Variants in MFGE8 observed in about 807,000 individuals in gnomAD.
MFGE8 encodes lactadherin.
In MFGE8, 34 loss-of-function variants were observed where a neutral mutation model predicts 42.6. That is an observed-to-expected ratio of 0.80 (90% CI 0.61 to 1.06). MFGE8 has a LOEUF of 1.06. Among genes scored for constraint, MFGE8 ranks in the 50% least tolerant of loss-of-function variants. MFGE8 has a pLI of 0.00. For synonymous variants in MFGE8, 230 were observed against 214.8 expected (o/e 1.07, Z -0.62); for missense variants, 510 against 516.9 (o/e 0.99, Z 0.13).
chr15:88,911,977 G>A, intron 1 of MFGE8: 1 of 505,722 alleles, frequency 2.0e-6, no homozygotes, highest in East Asian at 7.0e-5. Context: ...GGCAGGCGGG[G>A]GCGAGCATTG....
chr15:88,912,985 T>C, intron 1 of MFGE8: 1 of 985,444 alleles, frequency 1.0e-6, no homozygotes, highest in Non-Finnish European at 1.2e-6. Context: ...TTTGTCATTA[T>C]CTGTAAGCCG....
intron 2 of MFGE8, among the ~76,000 whole-genome samples, chr15:88,909,565 G>T (rs1326004205): frequency 2.0e-5 from 3 of 152,146 alleles, no homozygotes; most frequent in African/African-American, 7.2e-5. Context: ...GCAGTCTCAG[G>T]AAAGAGGGCC....
At position 88,902,508 on chromosome 15, in the gene MFGE8, T is replaced by A. The variant is rs1898480637; in HGVS notation, c.686-773A>T. ...ACAACTCCTGGGGCACAGGAACATCTCTATTTCCATTCCCCAGAAGCCCCC... is the reference window on the plus strand; with the variant it reads ...ACAACTCCTGGGGCACAGGAACATCACTATTTCCATTCCCCAGAAGCCCCC... On this transcript the variant is annotated intron_variant, in intron 5 of 7. Transcript: ENST00000268150. This position sits in a 1 kb window ranked among gnomAD's most constrained non-coding sequence, Gnocchi z 4.3. 6.6e-6 allele frequency: 1 copy of A among 152,126 alleles called. No homozygotes were observed. Among genetic ancestry groups the A allele is most frequent in the Non-Finnish European group, 1.5e-5 (1 of 68,054 alleles). 9.4% of individuals were successfully genotyped at this position (152,126 alleles called of 1,614,324 possible).
chr15:88,901,037 TCA>T (rs1337899406), intron 6 of MFGE8, among the ~76,000 whole-genome samples: 1 of 116,972 alleles, frequency 8.5e-6, no homozygotes, highest in South Asian at 2.8e-4. Flanking sequence ...ACACACATAT[TCA>T]CACACATTCA....
At chr15:88,901,305 TCACACACACACATTCA>T (rs1261651524) in intron 6 of MFGE8, among the ~76,000 whole-genome samples, 3 of 69,642 alleles carry the variant, frequency 4.3e-5, no homozygotes, top group Admixed American at 3.3e-4. Flanking sequence ...ATTCACACAC[TCACACACACACATTCA>T]CACACACACA....
rs770672965 is a variant in MFGE8, at chr15:88,907,324, G to A, written c.258C>T (p.Ile86=). 17 of 1,614,176 alleles carry A rather than the reference G, an allele frequency of 1.1e-5. No individual in the cohort carries two copies. The highest frequency in any genetic ancestry group is 2.7e-5 in the African/African-American group (2 of 75,044). The change falls in exon 3 of 8, where the codon ATC becomes ATT. Residue 86 remains isoleucine (I), a synonymous_variant. Transcript: ENST00000268150. Reference sequence around the variant, plus strand: ...AGGTCACACGCACAGACGAGGCGGCGATCTGTGAGTTGGCAATGTTCCCAT... The same window carrying A: ...AGGTCACACGCACAGACGAGGCGGCAATCTGTGAGTTGGCAATGTTCCCAT... ...LENGNIANSQ[I]AASSVRVTFL...
chr15:88,901,745 A>G lies in MFGE8; in HGVS notation c.686-10T>C. On this transcript the variant is annotated splice_polypyrimidine_tract_variant and intron_variant, in intron 5 of 7. Coordinates refer to ENST00000268150, the MANE Select transcript of MFGE8 (RefSeq NM_005928.4). ...AGGGGATTGGCGCATCCTGCCAGCA[A>G]GGTGGGCTGTCATCTGGATCTGGGA... 6.2e-7 allele frequency: 1 copy of G among 1,613,926 alleles called. No homozygotes were observed. The highest frequency in any genetic ancestry group is 8.5e-7 in the Non-Finnish European group (1 of 1,179,964).
At chr15:88,907,706 T>C (rs1411198704) in intron 2 of MFGE8, among the ~76,000 whole-genome samples, 83 of 147,740 alleles carry the variant, frequency 5.6e-4, no homozygotes, top group Admixed American at 6.0e-4. Flanking sequence ...GAAAGTAGAG[T>C]CCCCCCCGCC....
chr15:88,902,082 T>G lies in MFGE8; in HGVS notation c.686-347A>C. ...GACACCTCCTCCAAGAAGTCTGCCC[T>G]GACTACTTCACTTGGGCAGGATTTC... On this transcript the variant is annotated intron_variant, in intron 5 of 7. Coordinates refer to ENST00000268150, the MANE Select transcript of MFGE8 (RefSeq NM_005928.4). The surrounding 1 kb of genome is among the most constrained non-coding windows in gnomAD (Gnocchi z 4.3). 2.8e-6 allele frequency: 1 copy of G among 356,552 alleles called. No individual in the cohort carries two copies. 22.1% of individuals were successfully genotyped at this position (356,552 alleles called of 1,614,324 possible).
Position 88,905,897 on chromosome 15 carries a change from A to G in MFGE8, c.545T>C (p.Phe182Ser). ...IHDVNKKHKE[F>S]VGNWNKNAVH... is the part of the protein sequence containing the mutation. ...CGCGTTTTTGTTCCAGTTACCCACA[A>G]ACTCCTAGCAGGGAAGGGACAAGAC... Residue 182 changes from phenylalanine (F) to serine (S), a missense_variant, in exon 5 of 8, where the codon TTT (phenylalanine) becomes TCT (serine). Phe to Ser is a radical substitution (Grantham distance 155, BLOSUM62 -2). Coordinates refer to ENST00000268150, the MANE Select transcript of MFGE8 (RefSeq NM_005928.4). The surrounding 1 kb of genome is among the most constrained non-coding windows in gnomAD (Gnocchi z 6.6). 1 of 1,614,132 alleles carries G rather than the reference A, an allele frequency of 6.2e-7. No individual in the cohort carries two copies. Among genetic ancestry groups the G allele is most frequent in the Non-Finnish European group, 8.5e-7 (1 of 1,179,998 alleles).
Position 88,906,754 on chromosome 15 carries a change from C to A in MFGE8, c.412G>T (p.Val138Leu), listed in dbSNP as rs771084037. Residue 138 changes from valine (V) to leucine (L), a missense_variant, in exon 4 of 8, where the codon GTA (valine) becomes TTA (leucine). Coordinates refer to ENST00000268150, the MANE Select transcript of MFGE8 (RefSeq NM_005928.4). The surrounding 1 kb of genome is among the most constrained non-coding windows in gnomAD (Gnocchi z 4.2). ...IQVNLLRRMW[V>L]TGVVTQGASR... ...GCACCCTGCGTCACCACACCTGTTA[C>A]CCACATCCTCCGCAGCAGGTTCACC... 2 of 1,613,260 alleles carry A rather than the reference C, an allele frequency of 1.2e-6. No individual in the cohort carries two copies. The highest frequency in any genetic ancestry group is 2.2e-5 in the South Asian group (2 of 91,030).
intron 2 of MFGE8, among the ~76,000 whole-genome samples, chr15:88,908,146 G>A (rs1222817955): frequency 1.3e-5 from 2 of 152,164 alleles, no homozygotes; most frequent in African/African-American, 4.8e-5. Flanking sequence ...ACCCAGGACA[G>A]CTACCAGGCC....
intron 1 of MFGE8, among the ~76,000 whole-genome samples, chr15:88,911,470 C>T (rs1426739017): frequency 1.3e-5 from 2 of 152,202 alleles, no homozygotes; most frequent in African/African-American, 4.8e-5. Context: ...CACCTGTAAT[C>T]CCAGCACTTT....
rs1474290760 is a variant in MFGE8, at chr15:88,898,905, G to T, written c.*490C>A. 1 of 215,022 alleles carries T rather than the reference G, an allele frequency of 4.7e-6. No individual in the cohort carries two copies. The highest frequency in any genetic ancestry group is 9.5e-6 in the Non-Finnish European group (1 of 105,510). The allele number at this position is 215,022 out of a possible 1,614,324, so 13.3% of individuals were successfully genotyped here. A position where few individuals can be genotyped will look rare whatever the true frequency, so the allele number is the denominator to read the frequency against. On this transcript the variant is annotated 3_prime_UTR_variant, in exon 8 of 8. Coordinates refer to ENST00000268150, the MANE Select transcript of MFGE8 (RefSeq NM_005928.4). ...GACAAGGGGAAGTGTCTTGGGGACA[G>T]GGGGCCACAGCAGTTGTGGCCACAT...
chr15:88,909,766 G>A lies in MFGE8; in HGVS notation c.205+26C>T, dbSNP rs146829810. 406 of 1,613,484 alleles carry A rather than the reference G, an allele frequency of 2.5e-4. 1 individual carries two copies. The African/African-American group carries it at 4.9e-3, about 19-fold the overall frequency. ...GGCTCAGGGTCTACTGCTAGAAACA[G>A]GCAACAAGCACCCCCACATACTCAC... On this transcript the variant is annotated intron_variant, in intron 2 of 7. Transcript: ENST00000268150.
Position 88,899,928 on chromosome 15 carries a change from A to G in MFGE8, c.871-117T>C. 8.0e-7 allele frequency: 1 copy of G among 1,243,590 alleles called. No individual in the cohort carries two copies. Among genetic ancestry groups the G allele is most frequent in the African/African-American group, 1.5e-5 (1 of 67,180 alleles). 77.0% of individuals were successfully genotyped at this position (1,243,590 alleles called of 1,614,324 possible). A position where few individuals can be genotyped will look rare whatever the true frequency, so the allele number is the denominator to read the frequency against. ...GAAAAAAACTACTTGGGTGAGCCTC[A>G]GTTTCTTTGGCTATAAAATGGGCAT... On this transcript the variant is annotated intron_variant, in intron 6 of 7. Transcript: ENST00000268150. This position sits in a 1 kb window ranked among gnomAD's most constrained non-coding sequence, Gnocchi z 6.8.
Position 88,901,179 on chromosome 15 carries a change from ACATT to A in MFGE8, c.870+368_870+371del, listed in dbSNP as rs1898380762. On this transcript the variant is annotated intron_variant, in intron 6 of 7. Transcript: ENST00000268150. ...CACACACATTCACACACATTCTCACACATTCACACACACATTCACACATTCACAC... is the reference window on the plus strand; with the variant it reads ...CACACACATTCACACACATTCTCACACACACACACATTCACACATTCACAC... Among the ~76,000 whole-genome samples, 4 of 126,980 alleles carry A rather than the reference ACATT, an allele frequency of 3.2e-5. 1 individual carries two copies. Among genetic ancestry groups the A allele is most frequent in the Non-Finnish European group, 6.8e-5 (4 of 58,438 alleles). The allele number at this position is 126,980 out of a possible 152,430, so 83.3% of individuals were successfully genotyped here.
At position 88,913,315 on chromosome 15, in the gene MFGE8, G is replaced by C; in HGVS notation, c.5C>G (p.Pro2Arg). 11 of 1,446,794 alleles carry C rather than the reference G, an allele frequency of 7.6e-6. No individual in the cohort carries two copies. Among genetic ancestry groups the C allele is most frequent in the Non-Finnish European group, 9.9e-6 (11 of 1,110,994 alleles). The allele number at this position is 1,446,794 out of a possible 1,614,324, so 89.6% of individuals were successfully genotyped here. The change falls in exon 1 of 8, where the codon CCG becomes CGG. Residue 2 changes from proline to arginine, a missense_variant. By Grantham distance (103) the Pro-to-Arg change is moderately radical. Coordinates refer to ENST00000268150, the MANE Select transcript of MFGE8 (RefSeq NM_005928.4). ...CAGCGCGGCCAGCAGGCGGGGGCGCGGCATGCTGCGGGGACGCGGGCGCTG... is the reference window on the plus strand; with the variant it reads ...CAGCGCGGCCAGCAGGCGGGGGCGCCGCATGCTGCGGGGACGCGGGCGCTG... MPRPRLLAALCG... is the reference protein window; with the variant it reads MRRPRLLAALCG...
rs773078746 is a variant in MFGE8, at chr15:88,907,265, G to A, written c.317C>T (p.Ala106Val). Residue 106 changes from alanine to valine, a missense_variant, in exon 3 of 8, where the codon GCC becomes GTC. Coordinates refer to ENST00000268150, the MANE Select transcript of MFGE8 (RefSeq NM_005928.4). ...GACCATGCCTGCGCGGTTCAGGCGGGCCAGCTCCGGGACCCAATGCTGCAA... is the reference window on the plus strand; with the variant it reads ...GACCATGCCTGCGCGGTTCAGGCGGACCAGCTCCGGGACCCAATGCTGCAA... ...LGLQHWVPEL[A>V]RLNRAGMVNA... 8 of 1,614,040 alleles carry A rather than the reference G, an allele frequency of 5.0e-6. No individual in the cohort carries two copies. Among genetic ancestry groups the A allele is most frequent in the Middle Eastern group, 1.6e-4 (1 of 6,084 alleles).
Sources: allele counts gnomAD v4.1 joint callset (sites outside exome capture counted in the v4.1 genomes callset), GRCh38; gene constraint gnomAD v4.1.1; non-coding constraint Gnocchi (gnomAD v3.1); transcripts MANE v1.5; gene names NCBI Gene and HGNC (gene_info 2026-07-23, HGNC 2026-07-21).